Variants in IQGAP1 observed in about 807,000 individuals in gnomAD.
IQGAP1 encodes the protein IQ motif containing GTPase activating protein 1.
IQGAP1 carries 66 observed loss-of-function variants against 215.6 expected under a neutral mutation model. That is an observed-to-expected ratio of 0.31 (90% CI 0.25 to 0.38). IQGAP1 has a LOEUF of 0.38. IQGAP1 is among the 10% of genes least tolerant of loss of function. IQGAP1 has a pLI of 1.00. For synonymous variants in IQGAP1, 772 were observed against 728.7 expected, an observed-to-expected ratio of 1.06 and a Z score of -0.96; for missense variants, 1,712 against 1,997.1, an observed-to-expected ratio of 0.86 and a Z score of 2.72.
intron 9 of IQGAP1, among the ~76,000 whole-genome samples, chr15:90,444,984 G>C (rs967891111): frequency 6.6e-6 from 1 of 152,122 alleles, no homozygotes; most frequent in East Asian, 1.9e-4. Flanking sequence ...CTAGCTGGAC[G>C]TGGTGACATG....
chr15:90,472,199 C>T (rs776680160), intron 18 of IQGAP1, among the ~76,000 whole-genome samples: 1 of 152,156 alleles, frequency 6.6e-6, no homozygotes, highest in Non-Finnish European at 1.5e-5. Context: ...TGCTTGAGCC[C>T]AGGAGTTTGA....
intron 6 of IQGAP1, among the ~76,000 whole-genome samples, chr15:90,439,888 A>T (rs1033314901): frequency 6.6e-6 from 1 of 152,108 alleles, no homozygotes; most frequent in Non-Finnish European, 1.5e-5. Flanking sequence ...GCTTGAAGAG[A>T]TGAGGGGTTG....
intron 34 of IQGAP1, 84 bp downstream of exon 34, chr15:90,491,629 T>G: frequency 9.3e-7 from 1 of 1,080,952 alleles, no homozygotes; most frequent in Non-Finnish European, 1.4e-6. Context: ...CATAACAGCA[T>G]AGCTTCAGTT....
In IQGAP1 at chr15:90,444,243, CTGTGTGTGTGTG is replaced by C. The variant is rs34494521; in HGVS notation, c.913+791_913+802del. Among the ~76,000 whole-genome samples, 244 of 126,946 alleles carry C rather than the reference CTGTGTGTGTGTG, an allele frequency of 1.9e-3. 2 individuals carry two copies. Among genetic ancestry groups the C allele is most frequent in the African/African-American group, 6.8e-3 (222 of 32,636 alleles). 83.3% of individuals were successfully genotyped at this position (126,946 alleles called of 152,430 possible). ...GCATTTTTTTGTATGTCCTTCAAAA[CTGTGTGTGTGTG>C]TGTGTGTGTGTGTGTGTGTGTGTGT... On this transcript the variant is annotated intron_variant, in intron 9 of 37. Transcript: ENST00000268182.
At chr15:90,428,005 A>G (rs1430638486) in intron 3 of IQGAP1, among the ~76,000 whole-genome samples, 1 of 152,234 alleles carries the variant, frequency 6.6e-6, no homozygotes, top group Non-Finnish European at 1.5e-5. Flanking sequence ...AATTAACATC[A>G]TAAACAGAAA....
At chr15:90,487,633 G>T (rs368821809) in intron 33 of IQGAP1, 51 bp downstream of exon 33, 1 of 1,235,764 alleles carries the variant, frequency 8.1e-7, no homozygotes. Flanking sequence ...AAGCTCTCCC[G>T]ATAGGCGCAT....
chr15:90,426,214 C>G lies in IQGAP1; in HGVS notation c.260C>G (p.Pro87Arg). The change falls in exon 3 of 38, where the codon CCC becomes CGC. Residue 87 changes from proline (P) to arginine (R), a missense_variant. Coordinates refer to ENST00000268182, the MANE Select transcript of IQGAP1 (RefSeq NM_003870.4). ...GCCAAACTGGGGAACTTCTTCTCTC[C>G]CAAAGTAGTGTCCCTGAAAAAAATC... Reference protein sequence around the residue: ...YLAKLGNFFSPKVVSLKKIYD... With the variant: ...YLAKLGNFFSRKVVSLKKIYD... 1 of 1,604,014 alleles carries G rather than the reference C, an allele frequency of 6.2e-7. No homozygotes were observed. The highest frequency in any genetic ancestry group is 1.1e-5 in the South Asian group (1 of 89,564).
rs745748088 is a variant in IQGAP1, at chr15:90,487,534, A to G, written c.4200A>G (p.Pro1400=). The G allele has an allele frequency of 3.1e-6, 5 of 1,614,048 alleles. No homozygotes were observed. The East Asian group carries it at 1.1e-4, about 36-fold the overall frequency. ...RLIVDVIRFQ[P]GETLTEILET... ...TTGTGGATGTCATCCGGTTCCAGCC[A>G]GGAGAGACCTTGACTGAAATCCTAG... Residue 1400 remains proline, a synonymous_variant, in exon 33 of 38, where the codon CCA becomes CCG. Transcript: ENST00000268182.
intron 9 of IQGAP1, among the ~76,000 whole-genome samples, chr15:90,446,254 A>G (rs569755716): frequency 6.6e-6 from 1 of 152,160 alleles, no homozygotes; most frequent in Non-Finnish European, 1.5e-5. Flanking sequence ...TGCTAATTGT[A>G]TAAGAATCAG....
At chr15:90,473,121 T>A (rs1239961514) in intron 19 of IQGAP1, 111 bp downstream of exon 19, 5 of 951,138 alleles carry the variant, frequency 5.3e-6, no homozygotes, top group African/African-American at 1.6e-5. Context: ...GCTGGACTCT[T>A]AGTCTTCTCT....
chr15:90,486,319 A>C, intron 31 of IQGAP1, 187 bp downstream of exon 31: 1 of 474,148 alleles, frequency 2.1e-6, no homozygotes, highest in East Asian at 3.4e-5. Context: ...GATGTGATCA[A>C]TATCTATAAG....
At chr15:90,489,737 A>G (rs1966177401) in intron 33 of IQGAP1, among the ~76,000 whole-genome samples, 1 of 152,226 alleles carries the variant, frequency 6.6e-6, no homozygotes, top group Non-Finnish European at 1.5e-5. Context: ...TATGTGTGAA[A>G]GGCAAGTAAG....
At chr15:90,479,818 A>G (rs1374039079) in intron 26 of IQGAP1, among the ~76,000 whole-genome samples, 3 of 152,118 alleles carry the variant, frequency 2.0e-5, no homozygotes, top group Non-Finnish European at 4.4e-5. Flanking sequence ...CAGGACTCAG[A>G]TCATTGCAAA....
intron 2 of IQGAP1, among the ~76,000 whole-genome samples, chr15:90,409,969 A>G (rs954846303): frequency 2.0e-5 from 3 of 152,096 alleles, no homozygotes; most frequent in African/African-American, 7.2e-5. Flanking sequence ...GTCTGTTCAT[A>G]TCCTTTGCCC....
At chr15:90,495,681 A>G (rs1023596648) in intron 36 of IQGAP1, among the ~76,000 whole-genome samples, 2 of 138,406 alleles carry the variant, frequency 1.4e-5, no homozygotes, top group African/African-American at 5.4e-5. Context: ...TCTCTCTGTC[A>G]CCCAAGAGTA....
chr15:90,407,379 T>C (rs1232224969), intron 2 of IQGAP1, among the ~76,000 whole-genome samples: 1 of 151,614 alleles, frequency 6.6e-6, no homozygotes, highest in Admixed American at 6.6e-5. Flanking sequence ...TCAACTGTTA[T>C]ATTAACATTT....
At chr15:90,452,750 T>C (rs1567131147) in intron 11 of IQGAP1, 25 bp from the exon 12 acceptor site, 1 of 1,612,138 alleles carries the variant, frequency 6.2e-7, no homozygotes, top group Non-Finnish European at 8.5e-7. Flanking sequence ...GCCCACTGCG[T>C]TTCTGACTCC....
intron 15 of IQGAP1, among the ~76,000 whole-genome samples, chr15:90,458,835 C>G (rs999473807): frequency 6.6e-6 from 1 of 152,144 alleles, no homozygotes; most frequent in African/African-American, 2.4e-5. Context: ...ATAATTATAT[C>G]TCTTAAATGA....
intron 23 of IQGAP1, among the ~76,000 whole-genome samples, chr15:90,476,422 G>C (rs1965980548): frequency 6.6e-6 from 1 of 152,170 alleles, no homozygotes; most frequent in African/African-American, 2.4e-5. Flanking sequence ...TAGACTGCTG[G>C]AAGTTGGTTT....
Sources: allele counts gnomAD v4.1 joint callset (sites outside exome capture counted in the v4.1 genomes callset), GRCh38; gene constraint gnomAD v4.1.1; transcripts MANE v1.5; gene names NCBI Gene and HGNC (gene_info 2026-07-23, HGNC 2026-07-21).